The following OLFM1 variants were observed in gnomAD, a reference collection of about 807,000 sequenced individuals.
OLFM1 encodes the protein noelin.
A neutral mutation model predicts 49.7 loss-of-function variants in OLFM1; 9 were observed. The ratio of observed to expected loss-of-function variants is 0.18; its 90% CI spans 0.11 to 0.32. The LOEUF (loss-of-function observed/expected upper bound fraction) is 0.32. OLFM1 is among the 10% of genes least tolerant of loss of function. The pLI is 1.00. For synonymous variants in OLFM1, 240 were observed against 271.8 expected (o/e 0.88, Z 1.15); for missense variants, 369 against 661.8 (o/e 0.56, Z 4.85).
upstream of OLFM1, among the ~76,000 whole-genome samples, chr9:135,086,040 C>T (rs962523640): frequency 1.3e-5 from 2 of 152,230 alleles, no homozygotes; most frequent in East Asian, 1.9e-4. Flanking sequence ...TGAATTTGTT[C>T]CCGCAGAACA....
Position 135,113,700 on chromosome 9 carries a change from G to C in OLFM1, c.784-5804G>C, listed in dbSNP as rs1445731945. On this transcript the variant is annotated intron_variant, in intron 5 of 5. Transcript: ENST00000371793. This position sits in a 1 kb window ranked among gnomAD's most constrained non-coding sequence, Gnocchi z 4.0. ...GCAGACCCACGGTGTGCCCTGAGCT[G>C]AGTGGGGGTGCTGGGTCACAGTGAG... Among the ~76,000 whole-genome samples the C allele has an allele frequency of 6.6e-6, 1 of 152,234 alleles. No homozygotes were observed. Among genetic ancestry groups the C allele is most frequent in the African/African-American group, 2.4e-5 (1 of 41,466 alleles).
At position 135,098,516 on chromosome 9, in the gene OLFM1, T is replaced by C. The variant is rs1474449323; in HGVS notation, c.676+11T>C. 3 of 1,606,824 alleles carry C rather than the reference T, an allele frequency of 1.9e-6. No individual in the cohort carries two copies. The highest frequency in any genetic ancestry group is 1.7e-6 in the Non-Finnish European group (2 of 1,174,164). ...GCATGCAAAAACTAGGTAGGCCCAGTACCCTGCGGGACGTGGCGCTGCACT... is the reference window on the plus strand; with the variant it reads ...GCATGCAAAAACTAGGTAGGCCCAGCACCCTGCGGGACGTGGCGCTGCACT... On this transcript the variant is annotated intron_variant, in intron 4 of 5. Transcript: ENST00000371793. This position sits in a 1 kb window ranked among gnomAD's most constrained non-coding sequence, Gnocchi z 5.6.
intron 2 of OLFM1, chr9:135,094,985 GC>G (rs944674650): frequency 2.0e-5 from 3 of 152,156 alleles, no homozygotes; most frequent in Admixed American, 1.3e-4. Flanking sequence ...GCTTCCTCCC[GC>G]CTCCCCGCAG....
chr9:135,091,571 ACAC>A (rs1486425417), intron 2 of OLFM1, among the ~76,000 whole-genome samples: 3 of 148,896 alleles, frequency 2.0e-5, no homozygotes, highest in African/African-American at 7.6e-5. Flanking sequence ...TCACACACAC[ACAC>A]AGTCACACAC....
upstream of OLFM1, among the ~76,000 whole-genome samples, chr9:135,085,632 TAAGAG>T (rs1443466194): frequency 6.6e-6 from 1 of 152,264 alleles, no homozygotes; most frequent in Admixed American, 6.5e-5. Flanking sequence ...GCCCTGGCTT[TAAGAG>T]AAGTCGTGAA....
At chr9:135,076,796 C>T (rs1049127733) in intron 1 of OLFM1, 157 of 1,525,608 alleles carry the variant, frequency 1.0e-4, no homozygotes, top group Non-Finnish European at 1.4e-4. Context: ...TTCCTCCCTT[C>T]CTCCATCTCC....
At chr9:135,086,148 A>AG, upstream of OLFM1, among the ~76,000 whole-genome samples, 1 of 152,068 alleles carries the variant, frequency 6.6e-6, no homozygotes, top group South Asian at 2.1e-4. Flanking sequence ...TGGCCAGAGG[A>AG]GGGGGGCGAA....
chr9:135,119,434 G>GCTCACTGGGTCTTTGGAGTA (rs1445902981), intron 5 of OLFM1, 70 bp from the exon 6 acceptor site: 1 of 1,300,264 alleles, frequency 7.7e-7, no homozygotes, highest in African/African-American at 1.5e-5. Context: ...CTTTGGAAGT[G>GCTCACTGGGTCTTTGGAGTA]CTCACTGGGT....
chr9:135,104,562 A>G (rs925681149), intron 4 of OLFM1, among the ~76,000 whole-genome samples: 1 of 151,750 alleles, frequency 6.6e-6, no homozygotes, highest in Non-Finnish European at 1.5e-5. Context: ...TGGGGCCGCC[A>G]CTCCTCTAGG....
chr9:135,111,420 C>A (rs1213496619), intron 5 of OLFM1, among the ~76,000 whole-genome samples: 1 of 152,162 alleles, frequency 6.6e-6, no homozygotes, highest in Non-Finnish European at 1.5e-5. Flanking sequence ...TAGCGCATGG[C>A]CCATTGAACT....
At chr9:135,075,726 G>T in exon 1 of OLFM1, 1 of 1,602,458 alleles carries the variant, frequency 6.2e-7, no homozygotes, top group Non-Finnish European at 8.5e-7. Flanking sequence ...CGTTGGAGGT[G>T]GCAGCGAGAC....
intron 1 of OLFM1, chr9:135,077,300 G>T: frequency 7.0e-7 from 1 of 1,432,120 alleles, no homozygotes. Flanking sequence ...ATTCTGGGTG[G>T]TCCTGGACAT....
Position 135,076,385 on chromosome 9 carries a change from G to A in OLFM1, c.96+583G>A, listed in dbSNP as rs905154747. On this transcript the variant is annotated intron_variant, in intron 1 of 5. Transcript: ENST00000252854. ...CTTGGGGGGCTGTGGCCACATGCCCGGCAGGAGGTGAGTGAGGAGCCCTGT... is the reference window on the plus strand; with the variant it reads ...CTTGGGGGGCTGTGGCCACATGCCCAGCAGGAGGTGAGTGAGGAGCCCTGT... The A allele has an allele frequency of 4.6e-6, 7 of 1,510,352 alleles. No individual in the cohort carries two copies. The African/African-American group carries it at 6.9e-5, about 15-fold the overall frequency. The allele number at this position is 1,510,352 out of a possible 1,614,324, so 93.6% of individuals were successfully genotyped here.
chr9:135,120,085 C>T lies in OLFM1; in HGVS notation c.1365C>T (p.Asn455=). 1.2e-6 allele frequency: 2 copies of T among 1,614,134 alleles called. No individual in the cohort carries two copies. The highest frequency in any genetic ancestry group is 1.1e-5 in the South Asian group (1 of 91,084). ...KYSHISMLDY[N]PKDRALYAWN... is the part of the protein sequence containing the mutation. ...CCCACATCTCCATGCTGGACTACAA[C>T]CCCAAGGACCGGGCCCTGTATGCCT... The change falls in exon 6 of 6, where the codon AAC becomes AAT. Residue 455 remains asparagine, a synonymous_variant. Transcript: ENST00000371793.
chr9:135,087,647 C>T (rs1407713605), upstream of OLFM1: 3 of 516,852 alleles, frequency 5.8e-6, no homozygotes, highest in Non-Finnish European at 8.6e-6. Context: ...GCGGCCCCCG[C>T]GCGCAGCCCG....
At chr9:135,108,789 C>T (rs762980795) in intron 5 of OLFM1, among the ~76,000 whole-genome samples, 29 of 152,304 alleles carry the variant, frequency 1.9e-4, no homozygotes, top group Admixed American at 6.5e-4. Context: ...TCCCTGGGAC[C>T]TGCCTGCGTC....
intron 4 of OLFM1, among the ~76,000 whole-genome samples, chr9:135,105,319 G>A (rs1474204664): frequency 6.6e-6 from 1 of 152,238 alleles, no homozygotes; most frequent in African/African-American, 2.4e-5. Flanking sequence ...ATGGGAATTT[G>A]GGGGCAAACC....
chr9:135,115,680 T>C (rs537731338), intron 5 of OLFM1, among the ~76,000 whole-genome samples: 83 of 152,330 alleles, frequency 5.4e-4, no homozygotes, highest in African/African-American at 2.0e-3. Context: ...TCTGGGCATG[T>C]GCAGTGCCCC....
intron 2 of OLFM1, 125 bp downstream of exon 2, chr9:135,090,469 CTT>C: frequency 2.0e-6 from 2 of 986,390 alleles, no homozygotes; most frequent in Non-Finnish European, 3.0e-6. Flanking sequence ...CATTTTGACT[CTT>C]TCCTGGTTTG....
Sources: allele counts gnomAD v4.1 joint callset (sites outside exome capture counted in the v4.1 genomes callset), GRCh38; gene constraint gnomAD v4.1.1; non-coding constraint Gnocchi (gnomAD v3.1); transcripts MANE v1.5; gene names NCBI Gene and HGNC (gene_info 2026-07-23, HGNC 2026-07-21).